The following CSMD1 variants were observed in gnomAD, a reference collection of about 807,000 sequenced individuals.
CSMD1 encodes CUB and Sushi multiple domains 1, also known as CUB and sushi domain-containing protein 1.
In CSMD1, 213 loss-of-function variants were observed where a neutral mutation model predicts 417.5. That is an observed-to-expected ratio of 0.51 (90% confidence interval 0.46 to 0.57). The LOEUF is 0.57. Ranked by LOEUF, CSMD1 falls within the 20% of genes least tolerant of loss-of-function variation. The pLI is 0.00. For synonymous variants in CSMD1, 2,862 were observed against 1,736.8 expected, an observed-to-expected ratio of 1.65 and a Z score of -16.11; for missense variants, 6,923 against 4,529.7, an observed-to-expected ratio of 1.53 and a Z score of -15.17.
chr8:4,708,254 G>C (rs559466108), intron 1 of CSMD1, among the ~76,000 whole-genome samples: 5 of 152,118 alleles, frequency 3.3e-5, no homozygotes, highest in South Asian at 2.1e-4. Flanking sequence ...CTGGCCTTCA[G>C]TGTGACTCTT....
intron 3 of CSMD1, among the ~76,000 whole-genome samples, chr8:4,362,641 T>C (rs1801838372): frequency 6.6e-6 from 1 of 152,200 alleles, no homozygotes; most frequent in South Asian, 2.1e-4. Context: ...CTACCCCCTC[T>C]ACTGGCCTCA....
intron 51 of CSMD1, among the ~76,000 whole-genome samples, chr8:3,022,679 TAA>T (rs35865350): frequency 0.027 from 3,694 of 136,310 alleles, 122 homozygotes; most frequent in African/African-American, 0.085. Flanking sequence ...ACATTCTAGC[TAA>T]AAAAAAAAAA....
rs199971784 is a variant in CSMD1, at chr8:3,176,754, T to TTTTC, written c.5725+4352_5725+4355dup. Among the ~76,000 whole-genome samples, 87 of 150,842 alleles carry TTTTC rather than the reference T, an allele frequency of 5.8e-4. 1 individual carries two copies. In the East Asian group the frequency reaches 0.016, roughly 27 times the overall value. ...CAGGTACCCTGGTGACCTCATTTCC[T>TTTTC]TTTCTTTCTTTCTTTTTCTTTTTCT... On this transcript the variant is annotated intron_variant, in intron 37 of 69. Transcript: ENST00000635120.
intron 3 of CSMD1, among the ~76,000 whole-genome samples, chr8:4,168,255 A>C (rs1400813168): frequency 6.6e-6 from 1 of 151,714 alleles, no homozygotes; most frequent in Non-Finnish European, 1.5e-5. Context: ...ATTAGTTGAC[A>C]TGGTAGGATG....
chr8:4,786,266 T>TC (rs1273132252), intron 1 of CSMD1, among the ~76,000 whole-genome samples: 1 of 152,220 alleles, frequency 6.6e-6, no homozygotes, highest in African/African-American at 2.4e-5. Context: ...GACTATTTTT[T>TC]CTTTCTTCTT....
rs185994196 is a variant in CSMD1 at position 3,302,490 on chromosome 8, T to C, written c.3950+5205A>G. Among the ~76,000 whole-genome samples, 15 of 152,326 alleles carry C rather than the reference T, an allele frequency of 9.8e-5. 1 individual carries two copies. In the East Asian group the frequency reaches 2.7e-3, roughly 27 times the overall value. On this transcript the variant is annotated intron_variant, in intron 25 of 69. Transcript: ENST00000635120. ...TGTGTGATTTGAGTTTCACTTCCCA[T>C]GATATCACTTCTCATTTCTTCCCTG...
chr8:4,811,300 A>C (rs1202899117), intron 1 of CSMD1, among the ~76,000 whole-genome samples: 1 of 152,206 alleles, frequency 6.6e-6, no homozygotes, highest in Non-Finnish European at 1.5e-5. Flanking sequence ...ACCTAGTATT[A>C]ATTGGGAATA....
At chr8:4,533,458 G>C (rs969357740) in intron 2 of CSMD1, among the ~76,000 whole-genome samples, 1 of 152,204 alleles carries the variant, frequency 6.6e-6, no homozygotes, top group Non-Finnish European at 1.5e-5. Context: ...CTGATGGGCA[G>C]AGGCCTAGAT....
intron 3 of CSMD1, among the ~76,000 whole-genome samples, chr8:4,122,842 A>C (rs1385330339): frequency 1.3e-5 from 2 of 152,232 alleles, no homozygotes; most frequent in Non-Finnish European, 2.9e-5. Context: ...CAGAGTTCAC[A>C]GAGAACAGAA....
intron 23 of CSMD1, among the ~76,000 whole-genome samples, chr8:3,324,148 A>C (rs557205201): frequency 1.3e-4 from 14 of 106,876 alleles, no homozygotes; most frequent in Admixed American, 2.1e-4. Flanking sequence ...CACATCTAAC[A>C]CCCAGAGACT....
intron 3 of CSMD1, among the ~76,000 whole-genome samples, chr8:4,134,610 C>T (rs1263990948): frequency 6.6e-6 from 1 of 152,204 alleles, no homozygotes; most frequent in African/African-American, 2.4e-5. Context: ...AACACACCTA[C>T]ACACGTGCTA....
chr8:3,088,493 A>G (rs1023051532), intron 48 of CSMD1, among the ~76,000 whole-genome samples: 1 of 152,180 alleles, frequency 6.6e-6, no homozygotes, highest in African/African-American at 2.4e-5. Flanking sequence ...CATTCAGAAG[A>G]AACCTTCTGA....
intron 3 of CSMD1, among the ~76,000 whole-genome samples, chr8:4,067,016 G>A (rs971918297): frequency 1.3e-5 from 2 of 152,216 alleles, no homozygotes; most frequent in Non-Finnish European, 2.9e-5. Context: ...GACAACATGA[G>A]CTCTTAGTTT....
At chr8:4,138,699 A>G (rs73176384) in intron 3 of CSMD1, among the ~76,000 whole-genome samples, 44,903 of 151,924 alleles carry the variant, frequency 0.3, 8,051 homozygotes, top group Non-Finnish European at 0.39. Flanking sequence ...AATGAATTCA[A>G]TATTTCTTCA....
At chr8:4,950,997 CAAAA>C (rs113469274) in intron 1 of CSMD1, among the ~76,000 whole-genome samples, 4,069 of 136,726 alleles carry the variant, frequency 0.03, 159 homozygotes, top group East Asian at 0.17. Context: ...AACAAACAAA[CAAAA>C]AAAATTAATA....
intron 3 of CSMD1, among the ~76,000 whole-genome samples, chr8:4,283,384 G>T (rs1796894639): frequency 6.6e-6 from 1 of 152,132 alleles, no homozygotes. Context: ...GGGTATGTGT[G>T]CCATGAAGTG....
intron 25 of CSMD1, among the ~76,000 whole-genome samples, chr8:3,285,978 C>T (rs1044513737): frequency 6.6e-5 from 10 of 152,226 alleles, no homozygotes; most frequent in African/African-American, 2.4e-4. Context: ...TGCTATCCCT[C>T]CCCACTTCCC....
At position 4,092,434 on chromosome 8, in the gene CSMD1, A is replaced by G. The variant is rs142334185; in HGVS notation, c.416-60335T>C. Among the ~76,000 whole-genome samples the G allele has an allele frequency of 5.7e-3, 864 of 152,286 alleles. 3 individuals are homozygous for G. Among genetic ancestry groups the G allele is most frequent in the African/African-American group, 0.019 (788 of 41,552 alleles). On this transcript the variant is annotated intron_variant, in intron 3 of 69. Transcript: ENST00000635120. Reference sequence around the variant, plus strand: ...ATTGGCTTCAGCATATTATGAGACTATATTATGACCATATTATGACACTCT... The same window carrying G: ...ATTGGCTTCAGCATATTATGAGACTGTATTATGACCATATTATGACACTCT...
At chr8:3,372,468 A>G (rs751106896) in intron 18 of CSMD1, among the ~76,000 whole-genome samples, 1 of 152,098 alleles carries the variant, frequency 6.6e-6, no homozygotes, top group Non-Finnish European at 1.5e-5. Context: ...TGGTGAAGGG[A>G]GGAAGGTGGT....
Sources: gnomAD v4.1 joint callset for allele counts (sites outside exome capture counted in the v4.1 genomes callset) on GRCh38, gnomAD v4.1.1 for gene constraint, MANE v1.5 for transcripts, NCBI Gene and HGNC (gene_info 2026-07-23, HGNC 2026-07-21) for gene names.